The following PTPN1 variants were observed in gnomAD, a reference collection of about 807,000 sequenced individuals.
PTPN1 encodes the protein protein tyrosine phosphatase non-receptor type 1.
PTPN1 carries 12 observed loss-of-function variants against 59.9 expected under a neutral mutation model. The ratio of observed to expected loss-of-function variants is 0.20; its 90% CI spans 0.13 to 0.32. The LOEUF (loss-of-function observed/expected upper bound fraction) is 0.32, where lower values mean the gene tolerates loss of function less well. Ranked by LOEUF, PTPN1 falls within the 10% of genes least tolerant of loss-of-function variation. PTPN1 has a pLI of 1.00. For missense variants in PTPN1, 356 were observed against 549.2 expected (o/e 0.65, Z 3.52); for synonymous variants, 178 against 203.6 (o/e 0.87, Z 1.07).
At chr20:50,578,929 T>TGG (rs2082850896) in intron 6 of PTPN1, among the ~76,000 whole-genome samples, 1 of 152,142 alleles carries the variant, frequency 6.6e-6, no homozygotes, top group South Asian at 2.1e-4. Context: ...GAGCAAGAGA[T>TGG]GGGGGAGGTC....
At chr20:50,527,659 T>G (rs2082583152) in intron 1 of PTPN1, among the ~76,000 whole-genome samples, 1 of 152,220 alleles carries the variant, frequency 6.6e-6, no homozygotes, top group Non-Finnish European at 1.5e-5. Context: ...GCACCTGGCC[T>G]GAAATAATTC....
intron 1 of PTPN1, among the ~76,000 whole-genome samples, chr20:50,525,704 A>G (rs763629946): frequency 1.3e-4 from 19 of 151,852 alleles, no homozygotes; most frequent in Non-Finnish European, 2.6e-4. Context: ...TTAAAAATGG[A>G]TGACAAAGGA....
intron 2 of PTPN1, chr20:50,563,243 C>T (rs2082761688): frequency 6.6e-6 from 1 of 152,146 alleles, no homozygotes; most frequent in African/African-American, 2.4e-5. Flanking sequence ...TCCTATCCTC[C>T]AGTAGAAACA....
At chr20:50,548,810 T>C (rs1005355134) in intron 1 of PTPN1, among the ~76,000 whole-genome samples, 3 of 152,188 alleles carry the variant, frequency 2.0e-5, no homozygotes, top group African/African-American at 7.2e-5. Context: ...CTCTGCCTCC[T>C]GGGTTCATGC....
In PTPN1 at chr20:50,585,175, GA is replaced by G. The variant is rs2082894343; in HGVS notation, c.*2463del. 6.6e-6 allele frequency: 1 copy of G among 152,174 alleles called. No individual in the cohort carries two copies. The highest frequency in any genetic ancestry group is 1.5e-5 in the Non-Finnish European group (1 of 68,028). The allele number at this position is 152,174 out of a possible 1,614,324, so 9.4% of individuals were successfully genotyped here. A position where few individuals can be genotyped will look rare whatever the true frequency, so the allele number is the denominator to read the frequency against. Reference sequence around the variant, plus strand: ...GTCCACTTGATATAGAATTGACTTAGAAATAAGACAGATTAGTATAGTTTTT... The same window carrying G: ...GTCCACTTGATATAGAATTGACTTAGAATAAGACAGATTAGTATAGTTTTT... On this transcript the variant is annotated 3_prime_UTR_variant, in exon 10 of 10. Coordinates refer to ENST00000371621, the MANE Select transcript of PTPN1 (RefSeq NM_002827.4).
Position 50,579,324 on chromosome 20 carries a change from G to A in PTPN1, c.859G>A (p.Val287Met), listed in dbSNP as rs748360940. 27 of 1,613,812 alleles carry A rather than the reference G, an allele frequency of 1.7e-5. No homozygotes were observed. In the African/African-American group the frequency reaches 2.0e-4, roughly 12 times the overall value. ...GAKFIMGDSS[V>M]QDQWKELSHE... ...CAAATTCATCATGGGGGACTCTTCC[G>A]TGCAGGTCAGCATTGCCTTTGTTTG... Residue 287 changes from valine to methionine, a missense_variant, in exon 7 of 10, where the codon GTG becomes ATG. Transcript: ENST00000371621.
At chr20:50,566,648 G>A (rs1279659370) in intron 3 of PTPN1, among the ~76,000 whole-genome samples, 14 of 152,000 alleles carry the variant, frequency 9.2e-5, no homozygotes, top group African/African-American at 3.1e-4. Context: ...AATAATACAA[G>A]TCTCTCTTCT....
intron 1 of PTPN1, among the ~76,000 whole-genome samples, chr20:50,526,291 G>A (rs2082575184): frequency 6.6e-6 from 1 of 151,926 alleles, no homozygotes; most frequent in Admixed American, 6.6e-5. Flanking sequence ...ATGTTGTCCA[G>A]GCTGGTCTTG....
intron 4 of PTPN1, chr20:50,571,964 T>G (rs1192177300): frequency 6.6e-6 from 1 of 152,236 alleles, no homozygotes; most frequent in East Asian, 1.9e-4. Context: ...TATAATTCAT[T>G]TTTCTCTCGT....
chr20:50,546,334 G>T lies in PTPN1; in HGVS notation c.64-15029G>T, dbSNP rs117199709. 1.8e-3 allele frequency among the ~76,000 whole-genome samples: 279 copies of T among 152,260 alleles called. 1 individual carries two copies. The highest frequency in any genetic ancestry group is 3.0e-3 in the Non-Finnish European group (204 of 68,020). ...AACCTTGCTTTCTTAATGCATATGG[G>T]GAGTTCTTTGGAAAGCCACACAGAG... On this transcript the variant is annotated intron_variant, in intron 1 of 9. Coordinates refer to ENST00000371621, the MANE Select transcript of PTPN1 (RefSeq NM_002827.4).
chr20:50,569,058 G>T (rs950959917), intron 4 of PTPN1, among the ~76,000 whole-genome samples: 3 of 152,134 alleles, frequency 2.0e-5, no homozygotes, highest in Middle Eastern at 3.2e-3. Flanking sequence ...GTGTCCATTT[G>T]TGCAGGCCAC....
intron 2 of PTPN1, 140 bp downstream of exon 2, chr20:50,561,593 A>G: frequency 1.9e-6 from 1 of 537,936 alleles, no homozygotes; most frequent in East Asian, 3.2e-5. Flanking sequence ...TTCCTATAGT[A>G]AAGGCATTAG....
At chr20:50,529,597 GT>G (rs538405968) in intron 1 of PTPN1, among the ~76,000 whole-genome samples, 80 of 152,172 alleles carry the variant, frequency 5.3e-4, no homozygotes, top group Non-Finnish European at 9.0e-4. Context: ...CATTGTTTTT[GT>G]TTTTAACTTT....
At chr20:50,522,253 G>A (rs1351493781) in intron 1 of PTPN1, among the ~76,000 whole-genome samples, 2 of 152,160 alleles carry the variant, frequency 1.3e-5, no homozygotes, top group Non-Finnish European at 2.9e-5. Flanking sequence ...GAGTGTGGCT[G>A]TATTTCTGTC....
chr20:50,558,802 C>T (rs1171546951), intron 1 of PTPN1, among the ~76,000 whole-genome samples: 2 of 152,106 alleles, frequency 1.3e-5, no homozygotes, highest in African/African-American at 4.8e-5. Flanking sequence ...CCAGCCTGCT[C>T]GCTTCCCGTG....
intron 1 of PTPN1, among the ~76,000 whole-genome samples, chr20:50,528,292 A>G (rs918011372): frequency 1.4e-4 from 22 of 152,056 alleles, no homozygotes; most frequent in Non-Finnish European, 2.6e-4. Context: ...AATAACACGC[A>G]TTGCTCTGTA....
At chr20:50,566,863 G>A (rs1004403237) in intron 3 of PTPN1, among the ~76,000 whole-genome samples, 3 of 152,138 alleles carry the variant, frequency 2.0e-5, no homozygotes, top group African/African-American at 4.8e-5. Context: ...CAGTGACTGG[G>A]GTCTTCATGC....
intron 1 of PTPN1, among the ~76,000 whole-genome samples, chr20:50,536,035 G>A (rs1435580835): frequency 6.6e-6 from 1 of 152,136 alleles, no homozygotes; most frequent in African/African-American, 2.4e-5. Context: ...GGCAATTTAA[G>A]GTATGTTTTC....
rs1040075285 is a variant in PTPN1, at chr20:50,584,709, T to C, written c.*1994T>C. 3 of 152,166 alleles carry C rather than the reference T, an allele frequency of 2.0e-5. No individual in the cohort carries two copies. The highest frequency in any genetic ancestry group is 2.9e-5 in the Non-Finnish European group (2 of 68,026). The allele number at this position is 152,166 out of a possible 1,614,324, so 9.4% of individuals were successfully genotyped here. A position where few individuals can be genotyped will look rare whatever the true frequency, so the allele number is the denominator to read the frequency against. On this transcript the variant is annotated 3_prime_UTR_variant, in exon 10 of 10. Coordinates refer to ENST00000371621, the MANE Select transcript of PTPN1 (RefSeq NM_002827.4). ...ACAGTTTTCCAACTTGCCATATTCA[T>C]GATGGGTTTGCATTTTAGCTGCAAC... is the stretch of plus-strand genomic sequence containing the variant.
Sources: gnomAD v4.1 joint callset for allele counts (sites outside exome capture counted in the v4.1 genomes callset) on GRCh38, gnomAD v4.1.1 for gene constraint, MANE v1.5 for transcripts, NCBI Gene and HGNC (gene_info 2026-07-23, HGNC 2026-07-21) for gene names.